Variants in ADGRG7 observed in about 807,000 individuals in gnomAD.
The protein encoded by ADGRG7 is adhesion G protein-coupled receptor G7, also known as G-protein coupled receptor 128.
In ADGRG7, 82 loss-of-function variants were observed where a neutral mutation model predicts 88.6. That is an observed-to-expected ratio of 0.93 (90% confidence interval 0.77 to 1.11). The LOEUF (loss-of-function observed/expected upper bound fraction) is 1.11. Ranked by LOEUF, ADGRG7 falls within the 50% of genes most tolerant of loss-of-function variation. The pLI is 0.00. For synonymous variants in ADGRG7, 381 were observed against 345.2 expected (o/e 1.10, Z -1.15); for missense variants, 945 against 953.4 (o/e 0.99, Z 0.12).
chr3:100,634,229 A>G (rs1464623793), intron 4 of ADGRG7, among the ~76,000 whole-genome samples: 2 of 152,220 alleles, frequency 1.3e-5, no homozygotes, highest in African/African-American at 2.4e-5. Context: ...GGAAGAGGAA[A>G]CCAACCTTTA....
intron 14 of ADGRG7, among the ~76,000 whole-genome samples, chr3:100,668,395 G>A (rs1434849542): frequency 6.6e-6 from 1 of 152,196 alleles, no homozygotes; most frequent in Non-Finnish European, 1.5e-5. Flanking sequence ...GGGTTCTAAA[G>A]AGGAGTGAGG....
intron 1 of ADGRG7, among the ~76,000 whole-genome samples, chr3:100,613,601 A>G (rs1386212881): frequency 1.3e-5 from 2 of 152,028 alleles, no homozygotes; most frequent in South Asian, 2.1e-4. Context: ...CAGTTTGGCT[A>G]TGTAATTGGC....
chr3:100,612,264 T>G (rs1431715258), intron 1 of ADGRG7, among the ~76,000 whole-genome samples: 1 of 152,178 alleles, frequency 6.6e-6, no homozygotes, highest in African/African-American at 2.4e-5. Flanking sequence ...AGTAAGAAGT[T>G]ACTCTGATTT....
At chr3:100,627,074 G>A (rs73143198) in intron 1 of ADGRG7, among the ~76,000 whole-genome samples, 6,667 of 151,984 alleles carry the variant, frequency 0.044, 203 homozygotes, top group South Asian at 0.074. Flanking sequence ...TTTTTCCTGC[G>A]TATTGCACTG....
At chr3:100,621,252 G>A (rs1707307905) in intron 1 of ADGRG7, among the ~76,000 whole-genome samples, 1 of 152,092 alleles carries the variant, frequency 6.6e-6, no homozygotes, top group Non-Finnish European at 1.5e-5. Context: ...AGAGTTGCAT[G>A]TCTCTCACTT....
chr3:100,687,658 T>A (rs1190753530), intron 15 of ADGRG7, among the ~76,000 whole-genome samples: 2 of 152,234 alleles, frequency 1.3e-5, no homozygotes, highest in Non-Finnish European at 2.9e-5. Flanking sequence ...TCTCTGGTTC[T>A]GTTTATATGC....
intron 6 of ADGRG7, among the ~76,000 whole-genome samples, chr3:100,639,074 C>T (rs1413934235): frequency 6.8e-6 from 1 of 147,358 alleles, no homozygotes; most frequent in Non-Finnish European, 1.5e-5. Flanking sequence ...ATGTATATTA[C>T]ATACTATATT....
intron 1 of ADGRG7, among the ~76,000 whole-genome samples, chr3:100,619,622 G>T (rs138361899): frequency 0.26 from 39,789 of 151,842 alleles, 5,895 homozygotes; most frequent in Non-Finnish European, 0.34. Flanking sequence ...TCCAGGAGCT[G>T]GTTTTTTGAA....
chr3:100,692,506 T>G lies in ADGRG7; in HGVS notation c.2137-2238T>G, dbSNP rs551213756. Among the ~76,000 whole-genome samples the G allele has an allele frequency of 3.3e-5, 5 of 152,178 alleles. No homozygotes were observed. In the East Asian group the frequency reaches 9.7e-4, roughly 29 times the overall value. On this transcript the variant is annotated intron_variant, in intron 15 of 15. Coordinates refer to ENST00000273352, the MANE Select transcript of ADGRG7 (RefSeq NM_032787.3). Reference sequence around the variant, plus strand: ...GGAGGGGGAAATTATAAAAGAGAGGTTCGTAACAAAGTGTTAATGGTAAAA... The same window carrying G: ...GGAGGGGGAAATTATAAAAGAGAGGGTCGTAACAAAGTGTTAATGGTAAAA...
intron 15 of ADGRG7, among the ~76,000 whole-genome samples, chr3:100,683,439 C>T (rs1275939866): frequency 6.6e-6 from 1 of 152,188 alleles, no homozygotes; most frequent in Non-Finnish European, 1.5e-5. Flanking sequence ...ACCCGGTTCC[C>T]TGGTGTTAGC....
intron 11 of ADGRG7, 86 bp downstream of exon 11, chr3:100,649,893 G>A: frequency 1.4e-6 from 1 of 711,488 alleles, no homozygotes; most frequent in East Asian, 2.7e-5. Context: ...TAGTGTCTTT[G>A]AACTAGGCAA....
At chr3:100,650,619 A>T (rs1304765149) in intron 11 of ADGRG7, among the ~76,000 whole-genome samples, 1 of 152,142 alleles carries the variant, frequency 6.6e-6, no homozygotes. Context: ...AATTTTTTTT[A>T]GTGTGACACA....
At chr3:100,644,099 G>C (rs564555713) in intron 8 of ADGRG7, among the ~76,000 whole-genome samples, 1 of 151,928 alleles carries the variant, frequency 6.6e-6, no homozygotes, top group East Asian at 1.9e-4. Flanking sequence ...TCCTCTCTGT[G>C]GTGCCCACCA....
chr3:100,670,226 AC>A (rs1270149244), intron 15 of ADGRG7, among the ~76,000 whole-genome samples: 1 of 151,878 alleles, frequency 6.6e-6, no homozygotes, highest in African/African-American at 2.4e-5. Context: ...AATTTTTTAA[AC>A]TCTTTAGGTC....
At chr3:100,684,655 T>C (rs572266788) in intron 15 of ADGRG7, among the ~76,000 whole-genome samples, 4 of 152,142 alleles carry the variant, frequency 2.6e-5, no homozygotes, top group Non-Finnish European at 2.9e-5. Flanking sequence ...TATTGTGTTA[T>C]CTTAGTTTTT....
At chr3:100,619,038 G>A (rs184949928) in intron 1 of ADGRG7, among the ~76,000 whole-genome samples, 142 of 152,260 alleles carry the variant, frequency 9.3e-4, no homozygotes, top group Middle Eastern at 3.4e-3. Flanking sequence ...TGGTGTATAA[G>A]AATGCTTGTG....
intron 14 of ADGRG7, among the ~76,000 whole-genome samples, chr3:100,664,877 T>C (rs2094949854): frequency 6.6e-6 from 1 of 152,220 alleles, no homozygotes; most frequent in African/African-American, 2.4e-5. Context: ...AAAGTTTCAT[T>C]ACTATAAAGA....
At chr3:100,689,440 T>C (rs537794840) in intron 15 of ADGRG7, among the ~76,000 whole-genome samples, 1 of 152,342 alleles carries the variant, frequency 6.6e-6, no homozygotes, top group East Asian at 1.9e-4. Flanking sequence ...GTTATTTTGC[T>C]CGTTAGTTGA....
intron 1 of ADGRG7, among the ~76,000 whole-genome samples, chr3:100,610,384 C>T (rs1707130453): frequency 6.6e-6 from 1 of 152,174 alleles, no homozygotes. Flanking sequence ...ATCAAACATA[C>T]ACAGAATGGA....
Sources: gnomAD v4.1 joint callset for allele counts (sites outside exome capture counted in the v4.1 genomes callset) on GRCh38, gnomAD v4.1.1 for gene constraint, MANE v1.5 for transcripts, NCBI Gene and HGNC (gene_info 2026-07-23, HGNC 2026-07-21) for gene names.